The following RPRD1A variants were observed in gnomAD, a reference collection of about 807,000 sequenced individuals.
The protein encoded by RPRD1A is regulation of nuclear pre-mRNA domain containing 1A, also known as regulation of nuclear pre-mRNA domain-containing protein 1A.
Under a neutral mutation model 37.8 loss-of-function variants are expected in RPRD1A, and 9 were observed. The ratio of observed to expected loss-of-function variants is 0.24; its 90% CI spans 0.14 to 0.42. The LOEUF (loss-of-function observed/expected upper bound fraction) is 0.42, where lower values mean the gene tolerates loss of function less well. Ranked by LOEUF, RPRD1A falls within the 10% of genes least tolerant of loss-of-function variation. The pLI is 1.00. For missense variants in RPRD1A, 255 were observed against 371.0 expected (o/e 0.69, Z 2.57); for synonymous variants, 138 against 139.7 (o/e 0.99, Z 0.08).
intron 1 of RPRD1A, among the ~76,000 whole-genome samples, chr18:36,065,353 C>T (rs544470635): frequency 5.9e-5 from 9 of 152,286 alleles, no homozygotes; most frequent in African/African-American, 1.7e-4. Flanking sequence ...AATTCAGTCA[C>T]GTTGTTTCAT....
intron 1 of RPRD1A, among the ~76,000 whole-genome samples, chr18:36,059,904 T>C (rs2088871785): frequency 6.6e-6 from 1 of 152,194 alleles, no homozygotes; most frequent in African/African-American, 2.4e-5. Flanking sequence ...ACTATAACTA[T>C]TGAAGCTGCA....
intron 6 of RPRD1A, among the ~76,000 whole-genome samples, chr18:36,022,397 A>T (rs1195610230): frequency 1.3e-5 from 2 of 152,234 alleles, no homozygotes; most frequent in Admixed American, 1.3e-4. Flanking sequence ...TACTGGAAGA[A>T]GATGCCACCT....
intron 6 of RPRD1A, among the ~76,000 whole-genome samples, chr18:36,024,711 A>C (rs1911241027): frequency 6.6e-6 from 1 of 152,218 alleles, no homozygotes; most frequent in African/African-American, 2.4e-5. Context: ...GATACACAAT[A>C]GATGAAAATT....
intron 1 of RPRD1A, among the ~76,000 whole-genome samples, chr18:36,061,948 C>T (rs1184834696): frequency 6.6e-6 from 1 of 152,208 alleles, no homozygotes; most frequent in African/African-American, 2.4e-5. Flanking sequence ...ACTAGGACAG[C>T]TGTAATCAAA....
At chr18:36,014,164 T>A (rs1910350169) in intron 6 of RPRD1A, among the ~76,000 whole-genome samples, 1 of 152,176 alleles carries the variant, frequency 6.6e-6, no homozygotes, top group South Asian at 2.1e-4. Context: ...ACTGCCAGCA[T>A]GTGTCATAAA....
At chr18:36,008,653 G>A (rs1339906975) in intron 6 of RPRD1A, among the ~76,000 whole-genome samples, 2 of 143,484 alleles carry the variant, frequency 1.4e-5, no homozygotes, top group Admixed American at 1.4e-4. Flanking sequence ...TTGATATACT[G>A]AAATTCTGTA....
At chr18:36,033,247 A>G (rs2144303072) in intron 2 of RPRD1A, among the ~76,000 whole-genome samples, 1 of 137,324 alleles carries the variant, frequency 7.3e-6, no homozygotes, top group East Asian at 2.3e-4. Flanking sequence ...GGTTGCAGTG[A>G]GCCAAGATCG....
intron 1 of RPRD1A, among the ~76,000 whole-genome samples, chr18:36,066,864 G>A (rs1475457394): frequency 6.6e-6 from 1 of 152,116 alleles, no homozygotes; most frequent in Non-Finnish European, 1.5e-5. Context: ...AGAAATGACG[G>A]AAGTAACTCC....
chr18:36,008,575 G>GTGTGTGTATGTA (rs1555670677), intron 6 of RPRD1A, among the ~76,000 whole-genome samples: 26 of 42,370 alleles, frequency 6.1e-4, no homozygotes, highest in Admixed American at 8.6e-4. Flanking sequence ...GACCTTGTGT[G>GTGTGTGTATGTA]TGTATATATA....
intron 6 of RPRD1A, among the ~76,000 whole-genome samples, chr18:36,003,463 A>G (rs1909545028): frequency 6.6e-6 from 1 of 152,240 alleles, no homozygotes; most frequent in Non-Finnish European, 1.5e-5. Flanking sequence ...AGAAAGGTAT[A>G]AAGAAATAAA....
chr18:36,064,277 C>G (rs567403789), intron 1 of RPRD1A: 1 of 152,642 alleles, frequency 6.6e-6, no homozygotes, highest in Non-Finnish European at 1.5e-5. Flanking sequence ...GCCTGGGCTA[C>G]GCGCGGTTCC....
Position 36,067,351 on chromosome 18 carries a change from G to C in RPRD1A, c.54C>G (p.Asn18Lys). Residue 18 changes from asparagine to lysine, a missense_variant, in exon 1 of 7, where the codon AAC becomes AAG. Coordinates refer to ENST00000399022, the MANE Select transcript of RPRD1A (RefSeq NM_018170.5). ...ALEKKLSELS[N>K]SQQSVQTLSL... ...ACAAGGTCTGCACGCTCTGCTGCGA[G>C]TTGCTCAACTCCGACAGCTTCTTCT... 1 of 1,608,582 alleles carries C rather than the reference G, an allele frequency of 6.2e-7. No homozygotes were observed. Among genetic ancestry groups the C allele is most frequent in the Non-Finnish European group, 8.5e-7 (1 of 1,177,740 alleles).
intron 1 of RPRD1A, among the ~76,000 whole-genome samples, chr18:36,048,141 A>C (rs1457845331): frequency 7.2e-6 from 1 of 138,960 alleles, no homozygotes; most frequent in Non-Finnish European, 1.5e-5. Flanking sequence ...ACCTGGGCTC[A>C]CCGCAACCTC....
intron 6 of RPRD1A, among the ~76,000 whole-genome samples, chr18:36,021,545 A>G (rs893887660): frequency 2.0e-5 from 3 of 152,220 alleles, no homozygotes; most frequent in African/African-American, 7.2e-5. Context: ...TGTTCAAGTG[A>G]AAGAAAGAAT....
intron 6 of RPRD1A, among the ~76,000 whole-genome samples, chr18:35,996,935 G>GC (rs1909098162): frequency 1.5e-5 from 2 of 131,870 alleles, no homozygotes; most frequent in African/African-American, 6.1e-5. Flanking sequence ...CCATGATTGT[G>GC]CCACTGTACT....
At chr18:36,058,829 T>G (rs1913971642) in intron 1 of RPRD1A, among the ~76,000 whole-genome samples, 1 of 152,192 alleles carries the variant, frequency 6.6e-6, no homozygotes, top group African/African-American at 2.4e-5. Flanking sequence ...TTCACTCTCA[T>G]TCTCTCACAA....
intron 1 of RPRD1A, among the ~76,000 whole-genome samples, chr18:36,050,890 A>G (rs558018658): frequency 6.7e-6 from 1 of 149,766 alleles, no homozygotes; most frequent in Non-Finnish European, 1.5e-5. Context: ...TACTGCTTTT[A>G]ATGTGCACAT....
intron 6 of RPRD1A, among the ~76,000 whole-genome samples, chr18:35,998,134 G>A (rs908249697): frequency 6.6e-6 from 1 of 152,150 alleles, no homozygotes; most frequent in Non-Finnish European, 1.5e-5. Flanking sequence ...CAAGGCGGGC[G>A]GATCACCTGA....
At chr18:36,014,849 A>G (rs1266055560) in intron 6 of RPRD1A, among the ~76,000 whole-genome samples, 3 of 152,216 alleles carry the variant, frequency 2.0e-5, no homozygotes, top group Non-Finnish European at 4.4e-5. Flanking sequence ...AAGGTGTTCA[A>G]TATCATTAAT....
Sources: allele counts gnomAD v4.1 joint callset (sites outside exome capture counted in the v4.1 genomes callset), GRCh38; gene constraint gnomAD v4.1.1; transcripts MANE v1.5; gene names NCBI Gene and HGNC (gene_info 2026-07-23, HGNC 2026-07-21).